HS6ST1: variants seen among roughly 807,000 people sequenced by gnomAD.
HS6ST1 encodes the protein heparan sulfate 6-O-sulfotransferase 1.
In HS6ST1, 3 loss-of-function variants were observed where a neutral mutation model predicts 25.2. The ratio of observed to expected loss-of-function variants is 0.12; its 90% CI spans 0.05 to 0.31. The LOEUF (loss-of-function observed/expected upper bound fraction) is 0.31, where lower values mean the gene tolerates loss of function less well. HS6ST1 is among the 10% of genes least tolerant of loss of function. The pLI, the probability that HS6ST1 is intolerant of heterozygous loss-of-function variation, is 1.00. For missense variants in HS6ST1, 310 were observed against 609.6 expected (o/e 0.51, Z 5.18); for synonymous variants, 204 against 275.1 (o/e 0.74, Z 2.56).
At chr2:128,302,874 C>G (rs767741203) in intron 1 of HS6ST1, among the ~76,000 whole-genome samples, 22 of 152,366 alleles carry the variant, frequency 1.4e-4, no homozygotes, top group East Asian at 3.9e-4. Context: ...CTGCTCTGTA[C>G]AGGGCAAGGC....
chr2:128,268,991 C>G, intron 1 of HS6ST1, 121 bp from the exon 2 acceptor site: 1 of 764,064 alleles, frequency 1.3e-6, no homozygotes, highest in Non-Finnish European at 2.3e-6. Flanking sequence ...TGCCAACCAA[C>G]TCCTGCACTT....
At chr2:128,310,463 G>C (rs1694273481) in intron 1 of HS6ST1, among the ~76,000 whole-genome samples, 1 of 152,246 alleles carries the variant, frequency 6.6e-6, no homozygotes, top group African/African-American at 2.4e-5. Flanking sequence ...CCACAAGCTG[G>C]TGGGGACAGG....
intron 1 of HS6ST1, among the ~76,000 whole-genome samples, chr2:128,308,530 C>T (rs771225311): frequency 2.0e-5 from 3 of 152,242 alleles, no homozygotes; most frequent in Non-Finnish European, 2.9e-5. Context: ...CTGCCACCCA[C>T]AGGGTCTCAC....
intron 1 of HS6ST1, among the ~76,000 whole-genome samples, chr2:128,301,540 C>T (rs779419894): frequency 6.6e-6 from 1 of 152,170 alleles, no homozygotes; most frequent in African/African-American, 2.4e-5. Context: ...ATTTCAAATA[C>T]GAAGAAACAT....
chr2:128,268,391 C>A lies in HS6ST1; in HGVS notation c.1007G>T (p.Arg336Leu). The A allele has an allele frequency of 6.2e-7, 1 of 1,613,668 alleles. No individual in the cohort carries two copies. The stretch of plus-strand genomic sequence containing the variant: ...GTCCAGGTCGTTGAGCTCCTCGATG[C>A]GCCGGATGGTGTCTTCATCCACCTC... ...GVEVDEDTIR[R>L]IEELNDLDMQ... Residue 336 changes from arginine to leucine, a missense_variant, in exon 2 of 2, where the codon CGC becomes CTC. Physicochemically the swap from Arg to Leu is moderately radical, Grantham distance 102 (BLOSUM62 -2). Around this residue, in one of 5 missense-constraint regions of HS6ST1, gnomAD observed 140 missense variants for 176.5 expected, o/e 0.79. Transcript: ENST00000259241.
chr2:128,316,319 C>A (rs1694361576), intron 1 of HS6ST1, among the ~76,000 whole-genome samples: 1 of 152,380 alleles, frequency 6.6e-6, no homozygotes, highest in East Asian at 1.9e-4. Flanking sequence ...CCCGAAGCTT[C>A]CACGCAATCC....
At chr2:128,279,993 A>C (rs1450439115) in intron 1 of HS6ST1, among the ~76,000 whole-genome samples, 1 of 152,146 alleles carries the variant, frequency 6.6e-6, no homozygotes, top group Non-Finnish European at 1.5e-5. Context: ...CCGGAAAGCG[A>C]CCGGGCCTCA....
rs1320927987 is a variant in HS6ST1 at position 128,266,040 on chromosome 2, C to T, written c.*2122G>A. On this transcript the variant is annotated 3_prime_UTR_variant, in exon 2 of 2. Coordinates refer to ENST00000259241, the MANE Select transcript of HS6ST1 (RefSeq NM_004807.3). ...GCAGCGAAGAGACTGAGACAAGACC[C>T]GTGCTTCCGTGTGAGTTGGGATGCG... The T allele has an allele frequency of 6.6e-6, 1 of 151,534 alleles. No homozygotes were observed. The highest frequency in any genetic ancestry group is 1.5e-5 in the Non-Finnish European group (1 of 67,876). The allele number at this position is 151,534 out of a possible 1,614,324, so 9.4% of individuals were successfully genotyped here.
rs115915183 is a variant in HS6ST1, at chr2:128,316,482, G to A, written c.527+1555C>T. Among the ~76,000 whole-genome samples, 498 of 152,338 alleles carry A rather than the reference G, an allele frequency of 3.3e-3. 1 individual carries two copies. Among genetic ancestry groups the A allele is most frequent in the Non-Finnish European group, 5.5e-3 (377 of 68,028 alleles). Reference sequence around the variant, plus strand: ...TGGAAGGGTGGGTGGGGGCATGGCTGTGGTCCCAGGCACAGCTGAGCCTAG... The same window carrying A: ...TGGAAGGGTGGGTGGGGGCATGGCTATGGTCCCAGGCACAGCTGAGCCTAG... On this transcript the variant is annotated intron_variant, in intron 1 of 1. Transcript: ENST00000259241.
chr2:128,302,532 G>A (rs1032334544), intron 1 of HS6ST1, among the ~76,000 whole-genome samples: 1 of 152,090 alleles, frequency 6.6e-6, no homozygotes, highest in African/African-American at 2.4e-5. Context: ...GTCCTCTCTT[G>A]GGGCCCAGGA....
chr2:128,294,053 GGCCCTGCCCTCTCCTCTCTGCACCT>G lies in HS6ST1; in HGVS notation c.527+23959_527+23983del, dbSNP rs559448521. ...TGGCTCTGTACCTCCTTGAGGGCAG[GGCCCTGCCCTCTCCTCTCTGCACCT>G]GCCCTGCTGGCCCAGACCCTCTGCT... On this transcript the variant is annotated intron_variant, in intron 1 of 1. Transcript: ENST00000259241. Among the ~76,000 whole-genome samples the G allele has an allele frequency of 2.6e-4, 40 of 152,282 alleles. No individual in the cohort carries two copies. In the East Asian group the frequency reaches 7.4e-3, roughly 28 times the overall value.
At chr2:128,278,140 G>A (rs1693723446) in intron 1 of HS6ST1, among the ~76,000 whole-genome samples, 2 of 152,276 alleles carry the variant, frequency 1.3e-5, no homozygotes, top group Non-Finnish European at 2.9e-5. Context: ...CAGGCAGGAG[G>A]GCGGGGCAGG....
chr2:128,289,274 ACT>A (rs1293796342), intron 1 of HS6ST1, among the ~76,000 whole-genome samples: 3 of 151,750 alleles, frequency 2.0e-5, no homozygotes, highest in Non-Finnish European at 2.9e-5. Flanking sequence ...GGGAATGCTG[ACT>A]CTCCAGAACC....
intron 1 of HS6ST1, among the ~76,000 whole-genome samples, chr2:128,313,908 C>T (rs573030342): frequency 1.3e-3 from 203 of 151,096 alleles, no homozygotes; most frequent in Non-Finnish European, 2.2e-3. Context: ...GTCACCCAAC[C>T]ATTCGTAAGT....
intron 1 of HS6ST1, among the ~76,000 whole-genome samples, chr2:128,281,737 C>T (rs900379089): frequency 6.6e-6 from 1 of 152,188 alleles, no homozygotes; most frequent in African/African-American, 2.4e-5. Context: ...GGAGATACAC[C>T]AGGGACCTGA....
intron 1 of HS6ST1, among the ~76,000 whole-genome samples, chr2:128,308,142 A>C (rs915326617): frequency 1.3e-5 from 2 of 152,160 alleles, no homozygotes; most frequent in Non-Finnish European, 2.9e-5. Flanking sequence ...GAAAGCATAA[A>C]CACAAGGGCA....
chr2:128,288,270 G>A (rs1693895828), intron 1 of HS6ST1, among the ~76,000 whole-genome samples: 1 of 152,198 alleles, frequency 6.6e-6, no homozygotes, highest in African/African-American at 2.4e-5. Flanking sequence ...CACCAAGAGA[G>A]ACGTGGAGGC....
At chr2:128,303,458 G>A (rs772408618) in intron 1 of HS6ST1, among the ~76,000 whole-genome samples, 14 of 152,218 alleles carry the variant, frequency 9.2e-5, no homozygotes, top group Admixed American at 2.0e-4. Flanking sequence ...GAACAAAACC[G>A]AAGAGAAGTA....
intron 1 of HS6ST1, among the ~76,000 whole-genome samples, chr2:128,308,912 G>C (rs1350900811): frequency 6.6e-6 from 1 of 152,244 alleles, no homozygotes; most frequent in Non-Finnish European, 1.5e-5. Context: ...CTCCAGGACA[G>C]ATGGGTCAGA....
Sources: allele counts gnomAD v4.1 joint callset (sites outside exome capture counted in the v4.1 genomes callset), GRCh38; gene constraint gnomAD v4.1.1; regional missense constraint gnomAD v4.1.1; transcripts MANE v1.5; gene names NCBI Gene and HGNC (gene_info 2026-07-23, HGNC 2026-07-21).